Variants in SCD5 observed in about 807,000 individuals in gnomAD.
The protein encoded by SCD5 is stearoyl-CoA desaturase 5.
Under a neutral mutation model 30.4 loss-of-function variants are expected in SCD5, and 20 were observed. The observed-to-expected ratio is 0.66, with a 90% CI of 0.46 to 0.96. The LOEUF (loss-of-function observed/expected upper bound fraction) is 0.96. Among genes scored for constraint, SCD5 ranks in the 40% least tolerant of loss-of-function variants. The pLI is 0.00. For missense variants in SCD5, 381 were observed against 443.3 expected (o/e 0.86, Z 1.26); for synonymous variants, 173 against 176.4 (o/e 0.98, Z 0.16).
At chr4:82,681,043 C>G (rs1306906486) in intron 2 of SCD5, 131 bp from the exon 3 acceptor site, 1 of 708,812 alleles carries the variant, frequency 1.4e-6, no homozygotes, top group African/African-American at 1.8e-5. Flanking sequence ...CTTCAACCCA[C>G]AGTCCCTCAA....
At chr4:82,708,490 C>T (rs1455438464) in intron 1 of SCD5, among the ~76,000 whole-genome samples, 2 of 152,080 alleles carry the variant, frequency 1.3e-5, no homozygotes, top group Non-Finnish European at 2.9e-5. Context: ...TCTGTTTGAC[C>T]CTACACCTAT....
At chr4:82,703,578 T>C (rs1211267590) in intron 2 of SCD5, among the ~76,000 whole-genome samples, 2 of 152,192 alleles carry the variant, frequency 1.3e-5, no homozygotes, top group Admixed American at 6.6e-5. Flanking sequence ...TACAGTGTAC[T>C]TTCTCCCTAA....
chr4:82,678,050 C>G (rs1212248209), intron 3 of SCD5, among the ~76,000 whole-genome samples: 2 of 151,996 alleles, frequency 1.3e-5, no homozygotes, highest in Non-Finnish European at 2.9e-5. Context: ...CTTAATCATT[C>G]TGGGGCTAGA....
chr4:82,646,879 G>A (rs1242868139), intron 3 of SCD5, among the ~76,000 whole-genome samples: 1 of 152,248 alleles, frequency 6.6e-6, no homozygotes, highest in Non-Finnish European at 1.5e-5. Flanking sequence ...CTGGAGTGCA[G>A]TGGTGTGATC....
At chr4:82,658,562 G>C (rs1405013782) in intron 3 of SCD5, among the ~76,000 whole-genome samples, 1 of 143,072 alleles carries the variant, frequency 7.0e-6, no homozygotes, top group Non-Finnish European at 1.5e-5. Context: ...TGCCTCCCAG[G>C]TTCAAGTGAT....
At chr4:82,743,868 T>C (rs2148839859) in intron 1 of SCD5, among the ~76,000 whole-genome samples, 1 of 151,974 alleles carries the variant, frequency 6.6e-6, no homozygotes, top group East Asian at 2.0e-4. Flanking sequence ...TCTGGCTCTA[T>C]GACCCACGCT....
chr4:82,647,081 T>C (rs1020955716), intron 3 of SCD5, among the ~76,000 whole-genome samples: 1 of 152,218 alleles, frequency 6.6e-6, no homozygotes, highest in Non-Finnish European at 1.5e-5. Flanking sequence ...CATCTTGGCT[T>C]CCCAAAGTGC....
At chr4:82,750,093 G>T (rs1721068974) in intron 1 of SCD5, among the ~76,000 whole-genome samples, 1 of 152,138 alleles carries the variant, frequency 6.6e-6, no homozygotes, top group South Asian at 2.1e-4. Context: ...ATTGTAGTGG[G>T]GATTACACAA....
rs920620397 is a variant in SCD5 at position 82,798,710 on chromosome 4, C to T, written c.-173G>A. On this transcript the variant is annotated 5_prime_UTR_variant, in exon 1 of 5. Coordinates refer to ENST00000319540, the MANE Select transcript of SCD5 (RefSeq NM_001037582.3). The stretch of plus-strand genomic sequence containing the variant: ...CCTGCGCTCTTCCCCAGGGTCTTAG[C>T]GTGGCCTAGGGATGCAGATCTTGGC... 25 of 616,606 alleles carry T rather than the reference C, an allele frequency of 4.1e-5. No individual in the cohort carries two copies. In the Admixed American group the frequency reaches 5.0e-4, roughly 12 times the overall value. 38.2% of individuals were successfully genotyped at this position (616,606 alleles called of 1,614,324 possible).
chr4:82,633,774 C>T (rs1368836276), intron 4 of SCD5, among the ~76,000 whole-genome samples: 1 of 152,162 alleles, frequency 6.6e-6, no homozygotes, highest in African/African-American at 2.4e-5. Flanking sequence ...AGATAAAATT[C>T]ACTTACTGTA....
At chr4:82,748,581 A>C (rs1283022769) in intron 1 of SCD5, among the ~76,000 whole-genome samples, 1 of 152,218 alleles carries the variant, frequency 6.6e-6, no homozygotes, top group African/African-American at 2.4e-5. Context: ...AAAAGTTGCA[A>C]AGCATCTTTA....
At chr4:82,664,051 A>T (rs1457188006) in intron 3 of SCD5, among the ~76,000 whole-genome samples, 5 of 152,182 alleles carry the variant, frequency 3.3e-5, no homozygotes, top group Non-Finnish European at 7.4e-5. Context: ...AGAGACACAA[A>T]CAACAGAAGT....
At chr4:82,733,748 G>A (rs1159904923) in intron 1 of SCD5, among the ~76,000 whole-genome samples, 1 of 152,124 alleles carries the variant, frequency 6.6e-6, no homozygotes, top group Non-Finnish European at 1.5e-5. Context: ...GCCTCTGTAC[G>A]TGCCTGAATG....
intron 3 of SCD5, among the ~76,000 whole-genome samples, chr4:82,668,526 C>T (rs537896356): frequency 2.0e-5 from 3 of 152,310 alleles, no homozygotes; most frequent in Admixed American, 6.5e-5. Flanking sequence ...AGTGGGTACT[C>T]AAAACATAGT....
chr4:82,674,981 T>C (rs1728406435), intron 3 of SCD5, among the ~76,000 whole-genome samples: 2 of 152,238 alleles, frequency 1.3e-5, no homozygotes, highest in South Asian at 2.1e-4. Flanking sequence ...AAGAGAGCGA[T>C]GAACAGACAG....
chr4:82,695,250 G>A (rs1719674480), intron 2 of SCD5, among the ~76,000 whole-genome samples: 1 of 147,380 alleles, frequency 6.8e-6, no homozygotes, highest in South Asian at 2.1e-4. Context: ...CTAAGCCACT[G>A]AAATATTTAT....
chr4:82,717,112 T>C (rs139105110), intron 1 of SCD5, among the ~76,000 whole-genome samples: 1 of 151,898 alleles, frequency 6.6e-6, no homozygotes, highest in African/African-American at 2.4e-5. Flanking sequence ...CCCCTATACA[T>C]ACTGAAGGAT....
At chr4:82,680,672 T>A (rs778385311) in intron 3 of SCD5, 35 bp downstream of exon 3, 1 of 1,602,928 alleles carries the variant, frequency 6.2e-7, no homozygotes, top group South Asian at 1.1e-5. Context: ...TCCTGGCCCC[T>A]GAGGGACAGC....
chr4:82,772,800 AACT>A (rs1451149257), intron 1 of SCD5, among the ~76,000 whole-genome samples: 1 of 152,060 alleles, frequency 6.6e-6, no homozygotes, highest in Admixed American at 6.6e-5. Context: ...CTGCTTGATG[AACT>A]GTCAGGGACT....
Sources: allele counts gnomAD v4.1 joint callset (sites outside exome capture counted in the v4.1 genomes callset), GRCh38; gene constraint gnomAD v4.1.1; transcripts MANE v1.5; gene names NCBI Gene and HGNC (gene_info 2026-07-23, HGNC 2026-07-21).